The following SREK1 variants were observed in gnomAD, a reference collection of about 807,000 sequenced individuals.
SREK1 encodes the protein splicing regulatory glutamic acid and lysine rich protein 1.
Under a neutral mutation model 66.5 loss-of-function variants are expected in SREK1, and 13 were observed. That is an observed-to-expected ratio of 0.20 (90% CI 0.13 to 0.31). SREK1 has a LOEUF of 0.31. Ranked by LOEUF, SREK1 falls within the 10% of genes least tolerant of loss-of-function variation. The probability of loss-of-function intolerance (pLI) is 1.00; values close to 1 mark genes in which losing one functional copy is unlikely to be tolerated. For missense variants in SREK1, 607 were observed against 769.6 expected, an observed-to-expected ratio of 0.79 and a Z score of 2.50; for synonymous variants, 265 against 263.5, an observed-to-expected ratio of 1.01 and a Z score of -0.05.
Position 66,175,296 on chromosome 5 carries a change from A to T in SREK1, c.1580+255A>T, listed in dbSNP as rs577894721. 3.5e-4 allele frequency among the ~76,000 whole-genome samples: 54 copies of T among 152,278 alleles called. 1 individual carries two copies. Among genetic ancestry groups the T allele is most frequent in the Admixed American group, 3.1e-3 (47 of 15,282 alleles). On this transcript the variant is annotated intron_variant, in intron 10 of 11. Coordinates refer to ENST00000334121, the MANE Select transcript of SREK1 (RefSeq NM_001077199.3). Reference sequence around the variant, plus strand: ...TCCAGTTTCATATACAGATAACAAGATGAGAATGTATCATTTTTTTCTAAT... The same window carrying T: ...TCCAGTTTCATATACAGATAACAAGTTGAGAATGTATCATTTTTTTCTAAT...
At chr5:66,162,732 T>C in intron 5 of SREK1, 140 bp downstream of exon 5, 1 of 670,508 alleles carries the variant, frequency 1.5e-6, no homozygotes, top group South Asian at 2.7e-5. Context: ...ATAAATGAAA[T>C]ACATGAGATA....
intron 1 of SREK1, chr5:66,145,099 A>C (rs1743053085): frequency 1.0e-6 from 1 of 985,608 alleles, no homozygotes; most frequent in Admixed American, 6.1e-5. Context: ...CCATGTTCCC[A>C]AAGATCATGT....
intron 1 of SREK1, chr5:66,145,249 G>A: frequency 1.2e-6 from 1 of 815,608 alleles, no homozygotes; most frequent in African/African-American, 1.9e-5. Context: ...GGCATTCACA[G>A]CTCGCGGCCA....
At position 66,175,016 on chromosome 5, in the gene SREK1, T is replaced by A. The variant is rs1239308667; in HGVS notation, c.1555T>A (p.Ser519Thr). The A allele has an allele frequency of 1.2e-6, 2 of 1,612,362 alleles. No homozygotes were observed. Among genetic ancestry groups the A allele is most frequent in the Non-Finnish European group, 8.5e-7 (1 of 1,179,058 alleles). ...PRTSKTIKRK[S>T]SRSPSPRSRN... ...AACATCAAAAACCATAAAAAGGAAA[T>A]CTTCTAGATCTCCGTCCCCCAGGAG... is the stretch of plus-strand genomic sequence containing the variant. The change falls in exon 10 of 12, where the codon TCT becomes ACT. Residue 519 changes from serine to threonine, a missense_variant. This residue lies in a region of SREK1 where 318 missense variants were observed against 310.3 expected (regional missense o/e 1.02). Transcript: ENST00000334121.
intron 11 of SREK1, among the ~76,000 whole-genome samples, chr5:66,177,920 G>A (rs1045854951): frequency 1.3e-5 from 2 of 152,058 alleles, no homozygotes; most frequent in South Asian, 4.1e-4. Flanking sequence ...AGTAACAAAT[G>A]TATTTGATTT....
chr5:66,178,188 A>T (rs150602342), intron 11 of SREK1, among the ~76,000 whole-genome samples: 1 of 151,408 alleles, frequency 6.6e-6, no homozygotes, highest in Non-Finnish European at 1.5e-5. Flanking sequence ...TATGTACTGT[A>T]ATACTGATAG....
chr5:66,157,592 T>C (rs1387796207), intron 2 of SREK1: 1 of 967,408 alleles, frequency 1.0e-6, no homozygotes, highest in Non-Finnish European at 1.2e-6. Context: ...AATACATGTG[T>C]TAATACCAAT....
rs773278081 is a variant in SREK1, at chr5:66,153,470, C to T, written c.169C>T (p.Pro57Ser). Residue 57 changes from proline to serine, a missense_variant, in exon 2 of 12, where the codon CCT becomes TCT. Physicochemically the swap from Pro to Ser is moderately conservative, Grantham distance 74. Around this residue, in one of 5 missense-constraint regions of SREK1, gnomAD observed 99 missense variants for 186.6 expected, o/e 0.53. Transcript: ENST00000334121. ...ELRLYPPDNAPLAFSSKVCYV... is the reference protein window; with the variant it reads ...ELRLYPPDNASLAFSSKVCYV... ...TTTCTTTTTATCTTGCAGCAACGCA[C>T]CTCTTGCTTTTTCCTCCAAAGTATG... 3 of 1,612,194 alleles carry T rather than the reference C, an allele frequency of 1.9e-6. No homozygotes were observed. Among genetic ancestry groups the T allele is most frequent in the Non-Finnish European group, 2.5e-6 (3 of 1,179,254 alleles).
At position 66,161,466 on chromosome 5, in the gene SREK1, ATTG is replaced by A. The variant is rs1382478321; in HGVS notation, c.412-638_412-636del. ...GTCTGTTTAGTGCTATGTTCTTTGA[ATTG>A]TTGTGCTTTTTGTTGGTGATTTCAC... On this transcript the variant is annotated intron_variant, in intron 3 of 11. Coordinates refer to ENST00000334121, the MANE Select transcript of SREK1 (RefSeq NM_001077199.3). Among the ~76,000 whole-genome samples the A allele has an allele frequency of 1.4e-4, 21 of 152,218 alleles. No individual in the cohort carries two copies. In the East Asian group the frequency reaches 3.3e-3, roughly 24 times the overall value.
intron 9 of SREK1, among the ~76,000 whole-genome samples, chr5:66,172,365 A>G (rs746831548): frequency 6.6e-6 from 1 of 152,138 alleles, no homozygotes; most frequent in Non-Finnish European, 1.5e-5. Flanking sequence ...GGTGTAGAGG[A>G]AAGTTCAAGT....
intron 10 of SREK1, among the ~76,000 whole-genome samples, chr5:66,176,334 C>T (rs1299345848): frequency 6.6e-6 from 1 of 152,040 alleles, no homozygotes; most frequent in African/African-American, 2.4e-5. Context: ...TGAGATTATA[C>T]CGTATTTTTA....
intron 3 of SREK1, 64 bp downstream of exon 3, chr5:66,159,398 G>T: frequency 7.8e-7 from 1 of 1,279,996 alleles, no homozygotes. Context: ...GTTGAATAGA[G>T]AGCTTCAGAT....
At chr5:66,171,156 T>C (rs1251151955) in intron 9 of SREK1, among the ~76,000 whole-genome samples, 2 of 152,178 alleles carry the variant, frequency 1.3e-5, no homozygotes, top group Non-Finnish European at 1.5e-5. Context: ...GTTTTAGCTA[T>C]TCTTTGTAAC....
chr5:66,153,609 CTTTTTTT>C lies in SREK1; in HGVS notation c.295+14_295+20del. ...CCTTGTGCAGAAGGTTGGTATCTCG[CTTTTTTT>C]CCTCTTATTTGAATTTCTGTCCTGT... On this transcript the variant is annotated intron_variant, in intron 2 of 11. Coordinates refer to ENST00000334121, the MANE Select transcript of SREK1 (RefSeq NM_001077199.3). 6.2e-7 allele frequency: 1 copy of C among 1,613,688 alleles called. No individual in the cohort carries two copies. The highest frequency in any genetic ancestry group is 8.5e-7 in the Non-Finnish European group (1 of 1,179,860).
At chr5:66,159,387 A>G (rs1206404271) in intron 3 of SREK1, 53 bp downstream of exon 3, 2 of 1,375,850 alleles carry the variant, frequency 1.5e-6, no homozygotes, top group Admixed American at 4.9e-5. Context: ...CTGTGTGACC[A>G]GTTGAATAGA....
At chr5:66,171,794 C>T (rs559472213) in intron 9 of SREK1, among the ~76,000 whole-genome samples, 54 of 152,170 alleles carry the variant, frequency 3.5e-4, no homozygotes, top group African/African-American at 7.5e-4. Context: ...AAAAGATAAT[C>T]GTAGACATTT....
chr5:66,177,047 G>A (rs1313427971), intron 10 of SREK1, among the ~76,000 whole-genome samples: 1 of 152,010 alleles, frequency 6.6e-6, no homozygotes, highest in Non-Finnish European at 1.5e-5. Context: ...ACTGAAATTA[G>A]ACAAAAAGAT....
At chr5:66,164,635 A>C in intron 6 of SREK1, 148 bp from the exon 7 acceptor site, 1 of 1,559,172 alleles carries the variant, frequency 6.4e-7, no homozygotes, top group Non-Finnish European at 8.6e-7. Flanking sequence ...AGTTTATGCA[A>C]TGACTTTCTT....
chr5:66,153,439 A>AT (rs1561495987), intron 1 of SREK1, 24 bp from the exon 2 acceptor site: 1 of 1,600,846 alleles, frequency 6.2e-7, no homozygotes, highest in East Asian at 2.2e-5. Context: ...TATTAGTTCA[A>AT]TTGTTTTTCT....
Sources: allele counts gnomAD v4.1 joint callset (sites outside exome capture counted in the v4.1 genomes callset), GRCh38; gene constraint gnomAD v4.1.1; regional missense constraint gnomAD v4.1.1; transcripts MANE v1.5; gene names NCBI Gene and HGNC (gene_info 2026-07-23, HGNC 2026-07-21).